The following CNBD1 variants were observed in gnomAD, a reference collection of about 807,000 sequenced individuals.
CNBD1 encodes cyclic nucleotide binding domain containing 1, also known as cyclic nucleotide-binding domain-containing protein 1.
CNBD1 carries 71 observed loss-of-function variants against 54.4 expected under a neutral mutation model. That is an observed-to-expected ratio of 1.30 (90% CI 1.08 to 1.59). The LOEUF is 1.59. Ranked by LOEUF, CNBD1 falls within the 40% of genes most tolerant of loss-of-function variation. The pLI, the probability that CNBD1 is intolerant of heterozygous loss-of-function variation, is 0.00. For synonymous variants in CNBD1, 182 were observed against 170.7 expected (o/e 1.07, Z -0.51); for missense variants, 659 against 518.0 (o/e 1.27, Z -2.64).
At chr8:87,386,374 T>C (rs1030078116), downstream of CNBD1, among the ~76,000 whole-genome samples, 91 of 151,734 alleles carry the variant, frequency 6.0e-4, no homozygotes, top group African/African-American at 2.0e-3. Context: ...AAAAAAAAAT[T>C]AGATGAATGG....
chr8:86,959,032 A>T (rs1441171817), intron 4 of CNBD1, among the ~76,000 whole-genome samples: 1 of 152,170 alleles, frequency 6.6e-6, no homozygotes, highest in African/African-American at 2.4e-5. Flanking sequence ...GAGTTCTTGT[A>T]AAGCAGGCCT....
At chr8:87,057,754 C>T (rs2130633898) in intron 4 of CNBD1, among the ~76,000 whole-genome samples, 1 of 152,186 alleles carries the variant, frequency 6.6e-6, no homozygotes, top group South Asian at 2.1e-4. Context: ...GAGGCTGAGG[C>T]AGGAGAATCA....
At chr8:87,165,827 G>T (rs113997053) in intron 4 of CNBD1, among the ~76,000 whole-genome samples, 1 of 151,598 alleles carries the variant, frequency 6.6e-6, no homozygotes, top group South Asian at 2.1e-4. Context: ...ATTTATGGAC[G>T]TTCACCTATT....
chr8:87,312,704 A>G (rs139262618), intron 8 of CNBD1, among the ~76,000 whole-genome samples: 140 of 152,132 alleles, frequency 9.2e-4, no homozygotes, highest in Non-Finnish European at 5.0e-4. Context: ...TAGTATTTCG[A>G]GGTGTTTTTT....
intron 4 of CNBD1, among the ~76,000 whole-genome samples, chr8:87,040,467 A>T (rs1810042583): frequency 7.4e-6 from 1 of 134,864 alleles, no homozygotes; most frequent in African/African-American, 2.8e-5. Context: ...TTTGTCGCCC[A>T]GTCTGGAGTG....
At chr8:87,110,168 T>C (rs1811634430) in intron 4 of CNBD1, among the ~76,000 whole-genome samples, 2 of 152,158 alleles carry the variant, frequency 1.3e-5, no homozygotes, top group African/African-American at 2.4e-5. Context: ...AGTGAGGCTA[T>C]GATGCAGAAA....
intron 6 of CNBD1, among the ~76,000 whole-genome samples, chr8:87,240,998 G>A (rs1347064444): frequency 6.6e-6 from 1 of 152,096 alleles, no homozygotes; most frequent in African/African-American, 2.4e-5. Flanking sequence ...GCTAGGGAAA[G>A]TTTCAAGTTT....
intron 5 of CNBD1, among the ~76,000 whole-genome samples, chr8:87,216,441 C>T (rs1356514763): frequency 2.0e-5 from 3 of 152,156 alleles, no homozygotes. Context: ...TGTTTTCCCA[C>T]TCCCCTCAGA....
intron 6 of CNBD1, among the ~76,000 whole-genome samples, chr8:87,254,910 G>A (rs1807981164): frequency 6.6e-6 from 1 of 152,106 alleles, no homozygotes; most frequent in Non-Finnish European, 1.5e-5. Context: ...TAAAAAGAAA[G>A]TAAAAGCAAA....
chr8:87,278,157 T>C (rs1240349502), intron 6 of CNBD1, among the ~76,000 whole-genome samples: 3 of 151,502 alleles, frequency 2.0e-5, no homozygotes, highest in African/African-American at 4.8e-5. Context: ...AGAAAAAAGA[T>C]GAATGATAGA....
chr8:87,237,739 GAA>G (rs1282044982), intron 6 of CNBD1, among the ~76,000 whole-genome samples: 1 of 152,050 alleles, frequency 6.6e-6, no homozygotes, highest in Admixed American at 6.6e-5. Flanking sequence ...GTTCAGAGTA[GAA>G]AAGAGTCAAA....
In CNBD1 at chr8:86,866,533, A is replaced by T; in HGVS notation, c.38A>T (p.His13Leu). 6.2e-7 allele frequency: 1 copy of T among 1,612,386 alleles called. No homozygotes were observed. Among genetic ancestry groups the T allele is most frequent in the East Asian group, 2.2e-5 (1 of 44,832 alleles). Residue 13 changes from histidine (H) to leucine (L), a missense_variant, in exon 1 of 11, where the codon CAC (histidine) becomes CTC (leucine). His to Leu is a moderately conservative substitution (Grantham distance 99). Coordinates refer to ENST00000518476, the MANE Select transcript of CNBD1 (RefSeq NM_173538.3). ...TCTCTTCCAGCAGCTATTTTGTCTC[A>T]CATGACAGCTATTAACAATGTGCCT... ...MSSLPAAILS[H>L]MTAINNVPPP... is the part of the protein sequence containing the mutation.
chr8:87,350,873 G>T (rs185767954), intron 8 of CNBD1, among the ~76,000 whole-genome samples: 1 of 151,834 alleles, frequency 6.6e-6, no homozygotes, highest in Non-Finnish European at 1.5e-5. Flanking sequence ...TAGATCAAGG[G>T]ATTTTTATTT....
chr8:87,276,318 A>T (rs1376895071), intron 6 of CNBD1, among the ~76,000 whole-genome samples: 2 of 151,902 alleles, frequency 1.3e-5, no homozygotes, highest in Admixed American at 6.6e-5. Context: ...GGGAAAAAAT[A>T]TCAAAATGAG....
chr8:86,940,825 T>G (rs1809642414), intron 4 of CNBD1, among the ~76,000 whole-genome samples: 1 of 152,218 alleles, frequency 6.6e-6, no homozygotes, highest in African/African-American at 2.4e-5. Flanking sequence ...ATTTATGTTC[T>G]GAAGAATGAA....
chr8:87,233,872 G>A (rs572282045), intron 5 of CNBD1, among the ~76,000 whole-genome samples: 57 of 152,274 alleles, frequency 3.7e-4, no homozygotes, highest in Non-Finnish European at 6.9e-4. Context: ...CTGTTTGATA[G>A]CATTTTACCC....
At chr8:87,303,048 A>G (rs1443467674) in intron 8 of CNBD1, among the ~76,000 whole-genome samples, 16 of 151,884 alleles carry the variant, frequency 1.1e-4, no homozygotes, top group Admixed American at 2.0e-4. Flanking sequence ...TATCGTGAAA[A>G]TGGCCATACT....
At chr8:87,114,709 C>A (rs992701064) in intron 4 of CNBD1, among the ~76,000 whole-genome samples, 8 of 152,112 alleles carry the variant, frequency 5.3e-5, no homozygotes, top group Non-Finnish European at 1.2e-4. Flanking sequence ...GGTAGATGAA[C>A]CTTTGCAAGT....
At chr8:87,091,483 T>A (rs762450105) in intron 4 of CNBD1, among the ~76,000 whole-genome samples, 11 of 152,216 alleles carry the variant, frequency 7.2e-5, no homozygotes, top group African/African-American at 1.2e-4. Context: ...TTCTTGTGAA[T>A]CCTTGTCATC....
Sources: gnomAD v4.1 joint callset for allele counts (sites outside exome capture counted in the v4.1 genomes callset) on GRCh38, gnomAD v4.1.1 for gene constraint, MANE v1.5 for transcripts, NCBI Gene and HGNC (gene_info 2026-07-23, HGNC 2026-07-21) for gene names.